Variants in FNDC3A observed in about 807,000 individuals in gnomAD.
FNDC3A encodes fibronectin type-III domain-containing protein 3A.
FNDC3A carries 32 observed loss-of-function variants against 148.9 expected under a neutral mutation model. That is an observed-to-expected ratio of 0.21 (90% CI 0.16 to 0.29). The LOEUF is 0.29. Ranked by LOEUF, FNDC3A falls within the 10% of genes least tolerant of loss-of-function variation. The probability of loss-of-function intolerance (pLI) is 1.00; values close to 1 mark genes in which losing one functional copy is unlikely to be tolerated. For missense variants in FNDC3A, 1,191 were observed against 1,452.8 expected, an observed-to-expected ratio of 0.82 and a Z score of 2.93; for synonymous variants, 472 against 473.6, an observed-to-expected ratio of 1.00 and a Z score of 0.04.
intron 2 of FNDC3A, among the ~76,000 whole-genome samples, chr13:49,074,606 A>C (rs1026487616): frequency 1.3e-4 from 20 of 152,174 alleles, no homozygotes; most frequent in Non-Finnish European, 2.6e-4. Flanking sequence ...TTCAGTAATA[A>C]CTTGAAAGTC....
chr13:49,098,453 C>T (rs1879666762), intron 3 of FNDC3A, among the ~76,000 whole-genome samples: 1 of 152,034 alleles, frequency 6.6e-6, no homozygotes, highest in Non-Finnish European at 1.5e-5. Flanking sequence ...AAGAATGATT[C>T]ATCATTGTTC....
At chr13:49,191,490 C>A in intron 19 of FNDC3A, 106 bp downstream of exon 19, 1 of 867,564 alleles carries the variant, frequency 1.2e-6, no homozygotes, top group Non-Finnish European at 1.7e-6. Flanking sequence ...TAACATATGA[C>A]TCCAAATTTT....
At chr13:48,991,101 C>T (rs999194599) in intron 1 of FNDC3A, among the ~76,000 whole-genome samples, 1 of 152,156 alleles carries the variant, frequency 6.6e-6, no homozygotes, top group East Asian at 1.9e-4. Context: ...TATCAACAAT[C>T]ACATTACATA....
intron 1 of FNDC3A, among the ~76,000 whole-genome samples, chr13:48,988,759 G>A (rs937555161): frequency 6.6e-6 from 1 of 151,686 alleles, no homozygotes; most frequent in African/African-American, 2.4e-5. Flanking sequence ...GCTGAGGTGG[G>A]AGAATTGCTT....
At chr13:49,132,814 T>C (rs1882111398) in intron 5 of FNDC3A, among the ~76,000 whole-genome samples, 1 of 152,234 alleles carries the variant, frequency 6.6e-6, no homozygotes, top group South Asian at 2.1e-4. Context: ...AGAGAGACCT[T>C]CCTGATCTTA....
At chr13:49,010,860 G>A (rs1308569055) in intron 2 of FNDC3A, among the ~76,000 whole-genome samples, 1 of 152,122 alleles carries the variant, frequency 6.6e-6, no homozygotes, top group Non-Finnish European at 1.5e-5. Flanking sequence ...CAATACTGTA[G>A]TTTTGCCAAT....
chr13:49,115,196 A>G (rs1371573038), intron 4 of FNDC3A, among the ~76,000 whole-genome samples: 3 of 112,810 alleles, frequency 2.7e-5, no homozygotes, highest in African/African-American at 4.0e-5. Flanking sequence ...GGGGGGGGGA[A>G]ATAAAAAAAA....
intron 24 of FNDC3A, 37 bp from the exon 25 acceptor site, chr13:49,203,120 A>G (rs374823676): frequency 7.1e-6 from 10 of 1,409,452 alleles, no homozygotes; most frequent in Non-Finnish European, 9.8e-6. Context: ...ATTAAAAATC[A>G]AGTGGAACAG....
Position 49,196,939 on chromosome 13 carries a change from G to A in FNDC3A, c.2289G>A (p.Lys763=), listed in dbSNP as rs752465260. The change falls in exon 20 of 26, where the codon AAG becomes AAA. Residue 763 remains lysine (K), a synonymous_variant. Transcript: ENST00000492622. ...TTAPGPPDQC[K]PPQVTCRSAT... is the part of the protein sequence containing the mutation. ...CCCCTGGGCCACCAGATCAGTGCAA[G>A]CCCCCTCAAGTGACATGTAGATCTG... is the stretch of plus-strand genomic sequence containing the variant. 6.2e-7 allele frequency: 1 copy of A among 1,612,688 alleles called. No individual in the cohort carries two copies. Among genetic ancestry groups the A allele is most frequent in the African/African-American group, 1.3e-5 (1 of 75,004 alleles).
chr13:49,159,057 G>A (rs1455045948), intron 8 of FNDC3A, among the ~76,000 whole-genome samples: 9 of 152,134 alleles, frequency 5.9e-5, no homozygotes, highest in African/African-American at 1.9e-4. Context: ...GTAGCATGAC[G>A]CCTCCAGCTT....
chr13:49,115,198 T>TAAAAA (rs11450075), intron 4 of FNDC3A, among the ~76,000 whole-genome samples: 17 of 140,376 alleles, frequency 1.2e-4, no homozygotes, highest in African/African-American at 4.0e-4. Flanking sequence ...GGGGGGGAAA[T>TAAAAA]AAAAAAAAAA....
chr13:49,171,095 A>G (rs1941946066), intron 10 of FNDC3A, among the ~76,000 whole-genome samples: 1 of 152,156 alleles, frequency 6.6e-6, no homozygotes, highest in Non-Finnish European at 1.5e-5. Flanking sequence ...TTTGCCAGTC[A>G]GTGAGATATT....
chr13:48,982,317 TC>T (rs1951708333), intron 1 of FNDC3A, among the ~76,000 whole-genome samples: 1 of 152,264 alleles, frequency 6.6e-6, no homozygotes, highest in South Asian at 2.1e-4. Context: ...TTGATTTTTT[TC>T]CATGTAATAT....
At chr13:49,117,860 T>A (rs553226023) in intron 4 of FNDC3A, among the ~76,000 whole-genome samples, 2 of 152,294 alleles carry the variant, frequency 1.3e-5, no homozygotes, top group Non-Finnish European at 2.9e-5. Flanking sequence ...AAGGGACAAC[T>A]GCATATGTAT....
At chr13:49,198,634 G>T in intron 23 of FNDC3A, 60 bp downstream of exon 23, 1 of 1,358,278 alleles carries the variant, frequency 7.4e-7, no homozygotes, top group South Asian at 1.2e-5. Context: ...ATACATTTCT[G>T]TAACTATTAG....
chr13:49,077,450 A>G (rs1251248587), intron 3 of FNDC3A, among the ~76,000 whole-genome samples: 1 of 152,252 alleles, frequency 6.6e-6, no homozygotes, highest in Non-Finnish European at 1.5e-5. Context: ...AGGCTGTCCA[A>G]TCTGTTTAAT....
chr13:49,077,477 C>G (rs926404823), intron 3 of FNDC3A, among the ~76,000 whole-genome samples: 2 of 152,180 alleles, frequency 1.3e-5, no homozygotes, highest in African/African-American at 4.8e-5. Flanking sequence ...AGAAATAGAC[C>G]TAACTCTTTT....
chr13:49,151,954 A>G (rs1883325666), intron 8 of FNDC3A, among the ~76,000 whole-genome samples: 1 of 152,224 alleles, frequency 6.6e-6, no homozygotes, highest in Non-Finnish European at 1.5e-5. Context: ...AATATGTGCC[A>G]CATTTTCTTA....
At position 49,171,893 on chromosome 13, in the gene FNDC3A, C is replaced by T. The variant is rs1027545966; in HGVS notation, c.1177-150C>T. 4.7e-5 allele frequency: 27 copies of T among 571,424 alleles called. 2 individuals carry two copies. In the South Asian group the frequency reaches 6.9e-4, roughly 15 times the overall value. The allele number at this position is 571,424 out of a possible 1,614,324, so 35.4% of individuals were successfully genotyped here. ...TGAAAGGATTATAGGGCATACAATA[C>T]ATATATTTTTGTATTTTTATGAACA... On this transcript the variant is annotated intron_variant, in intron 10 of 25. Transcript: ENST00000492622.
Sources: gnomAD v4.1 joint callset for allele counts (sites outside exome capture counted in the v4.1 genomes callset) on GRCh38, gnomAD v4.1.1 for gene constraint, MANE v1.5 for transcripts, NCBI Gene and HGNC (gene_info 2026-07-23, HGNC 2026-07-21) for gene names.